The following BTAF1 variants were observed in gnomAD, a reference collection of about 807,000 sequenced individuals.
BTAF1 encodes B-TFIID TATA-box binding protein associated factor 1.
BTAF1 carries 38 observed loss-of-function variants against 227.1 expected under a neutral mutation model. The observed-to-expected ratio is 0.17, with a 90% CI of 0.13 to 0.22. The LOEUF (loss-of-function observed/expected upper bound fraction) is 0.22, where lower values mean the gene tolerates loss of function less well. Among genes scored for constraint, BTAF1 ranks in the 10% least tolerant of loss-of-function variants. The pLI, the probability that BTAF1 is intolerant of heterozygous loss-of-function variation, is 1.00. For missense variants in BTAF1, 1,598 were observed against 2,204.0 expected, an observed-to-expected ratio of 0.73 and a Z score of 5.51; for synonymous variants, 742 against 751.9, an observed-to-expected ratio of 0.99 and a Z score of 0.21.
At chr10:91,986,503 G>A (rs1848398623) in intron 19 of BTAF1, among the ~76,000 whole-genome samples, 1 of 152,098 alleles carries the variant, frequency 6.6e-6, no homozygotes, top group African/African-American at 2.4e-5. Context: ...AAATAATATA[G>A]TTGAATTTTT....
chr10:91,955,205 T>G (rs549413193), intron 6 of BTAF1, among the ~76,000 whole-genome samples: 1 of 152,366 alleles, frequency 6.6e-6, no homozygotes, highest in Admixed American at 6.5e-5. Context: ...CTACTGGTTT[T>G]TATTCATACA....
At chr10:91,995,084 T>A (rs1849042145) in intron 23 of BTAF1, among the ~76,000 whole-genome samples, 1 of 152,166 alleles carries the variant, frequency 6.6e-6, no homozygotes, top group Non-Finnish European at 1.5e-5. Context: ...AACACTGGTT[T>A]GGGATTTTTT....
chr10:91,952,631 A>G (rs951321096), intron 5 of BTAF1, among the ~76,000 whole-genome samples: 14 of 152,056 alleles, frequency 9.2e-5, no homozygotes, highest in Non-Finnish European at 1.8e-4. Flanking sequence ...GGCACTTTAA[A>G]CCATTAGAAT....
chr10:91,956,809 T>G, intron 7 of BTAF1, 152 bp downstream of exon 7: 1 of 765,112 alleles, frequency 1.3e-6, no homozygotes, highest in East Asian at 2.9e-5. Flanking sequence ...GCCAACATGG[T>G]GAAACCCTGT....
intron 29 of BTAF1, 42 bp downstream of exon 29, chr10:92,011,192 T>C (rs1354165779): frequency 6.6e-7 from 1 of 1,524,950 alleles, no homozygotes; most frequent in Admixed American, 2.0e-5. Flanking sequence ...ATATCAAATT[T>C]GAAGACTCTT....
intron 26 of BTAF1, among the ~76,000 whole-genome samples, chr10:92,008,608 C>G (rs1362784143): frequency 2.0e-5 from 3 of 151,928 alleles, no homozygotes; most frequent in African/African-American, 7.3e-5. Flanking sequence ...CTTGGCCCCC[C>G]AAAGTGCTGG....
At chr10:91,940,676 AT>A (rs1564658786) in intron 3 of BTAF1, among the ~76,000 whole-genome samples, 1 of 151,586 alleles carries the variant, frequency 6.6e-6, no homozygotes, top group African/African-American at 2.4e-5. Flanking sequence ...GTTTTATTTT[AT>A]TTATTTTATT....
At chr10:91,976,041 G>C (rs559799346) in intron 14 of BTAF1, among the ~76,000 whole-genome samples, 2 of 152,306 alleles carry the variant, frequency 1.3e-5, no homozygotes, top group South Asian at 2.1e-4. Context: ...GCAAGTGTTG[G>C]ACCTTCCGTA....
chr10:91,930,598 C>G (rs954963523), intron 1 of BTAF1, among the ~76,000 whole-genome samples: 2 of 152,156 alleles, frequency 1.3e-5, no homozygotes, highest in Non-Finnish European at 2.9e-5. Flanking sequence ...TTACCCACAA[C>G]ATGACCTAGA....
At chr10:91,975,725 C>T (rs1276863892) in intron 14 of BTAF1, among the ~76,000 whole-genome samples, 1 of 152,128 alleles carries the variant, frequency 6.6e-6, no homozygotes, top group African/African-American at 2.4e-5. Context: ...GCTCAGATTG[C>T]TCCTTTTTTC....
intron 14 of BTAF1, among the ~76,000 whole-genome samples, chr10:91,970,908 T>C (rs1255727361): frequency 2.0e-5 from 3 of 152,248 alleles, no homozygotes; most frequent in African/African-American, 7.2e-5. Flanking sequence ...TTCTTTTTGA[T>C]TCATATTTAG....
intron 34 of BTAF1, among the ~76,000 whole-genome samples, chr10:92,022,580 G>A (rs1325574011): frequency 6.6e-6 from 1 of 152,010 alleles, no homozygotes; most frequent in Non-Finnish European, 1.5e-5. Flanking sequence ...ACCACACCTG[G>A]CTAATTTTGT....
chr10:91,951,783 T>C (rs1026894434), intron 5 of BTAF1, among the ~76,000 whole-genome samples: 4 of 152,202 alleles, frequency 2.6e-5, no homozygotes, highest in Non-Finnish European at 4.4e-5. Context: ...GACTGTTAAG[T>C]TGTAGTAGAC....
intron 25 of BTAF1, 82 bp downstream of exon 25, chr10:91,997,833 G>T: frequency 1.4e-6 from 2 of 1,407,684 alleles, no homozygotes; most frequent in Non-Finnish European, 9.8e-7. Context: ...TTAGGGCCAG[G>T]TACAAAGGCT....
Position 91,989,491 on chromosome 10 carries a change from A to G in BTAF1, c.2765A>G (p.Asn922Ser). ...TGTCCCAATTCAAAAATTATTAAAA[A>G]CCTCTGTAGCTCACTTTGTGTGGAC... The part of the protein sequence containing the change: ...TPCPNSKIIK[N>S]LCSSLCVDPY... The change falls in exon 20 of 38, where the codon AAC becomes AGC. Residue 922 changes from asparagine (N) to serine (S), a missense_variant. Transcript: ENST00000265990. 6.2e-7 allele frequency: 1 copy of G among 1,613,556 alleles called. No homozygotes were observed. The highest frequency in any genetic ancestry group is 8.5e-7 in the Non-Finnish European group (1 of 1,179,992).
chr10:91,928,941 G>A (rs571655683), intron 1 of BTAF1, among the ~76,000 whole-genome samples: 1 of 152,168 alleles, frequency 6.6e-6, no homozygotes, highest in East Asian at 1.9e-4. Context: ...CTCCCCAGTT[G>A]CTAGGACCAC....
At chr10:91,959,906 G>C in intron 10 of BTAF1, 26 bp downstream of exon 10, 1 of 1,601,840 alleles carries the variant, frequency 6.2e-7, no homozygotes, top group Non-Finnish European at 8.5e-7. Flanking sequence ...GGGAGGCTTT[G>C]CCCAATCAAA....
intron 21 of BTAF1, 132 bp downstream of exon 21, chr10:91,992,441 C>A: frequency 1.2e-6 from 1 of 830,472 alleles, no homozygotes; most frequent in Non-Finnish European, 1.8e-6. Flanking sequence ...TTGGAGTACT[C>A]CAACAATATG....
At chr10:91,936,991 G>A (rs1205761995) in intron 2 of BTAF1, among the ~76,000 whole-genome samples, 1 of 150,490 alleles carries the variant, frequency 6.6e-6, no homozygotes, top group African/African-American at 2.4e-5. Flanking sequence ...GCGTTTTCCT[G>A]TTGCCCATTG....
Sources: allele counts gnomAD v4.1 joint callset (sites outside exome capture counted in the v4.1 genomes callset), GRCh38; gene constraint gnomAD v4.1.1; transcripts MANE v1.5; gene names NCBI Gene and HGNC (gene_info 2026-07-23, HGNC 2026-07-21).